TTC8: variants seen among roughly 807,000 people sequenced by gnomAD.
The protein encoded by TTC8 is tetratricopeptide repeat protein 8.
Under a neutral mutation model 72.5 loss-of-function variants are expected in TTC8, and 47 were observed. The ratio of observed to expected loss-of-function variants is 0.65; its 90% CI spans 0.51 to 0.83. The LOEUF (loss-of-function observed/expected upper bound fraction) is 0.83. Among genes scored for constraint, TTC8 ranks in the 40% least tolerant of loss-of-function variants. The pLI, the probability that TTC8 is intolerant of heterozygous loss-of-function variation, is 0.00. For synonymous variants in TTC8, 199 were observed against 221.4 expected, an observed-to-expected ratio of 0.90 and a Z score of 0.90; for missense variants, 611 against 623.2, an observed-to-expected ratio of 0.98 and a Z score of 0.21.
At chr14:88,836,993 G>A (rs557859703) in intron 2 of TTC8, 8 of 245,156 alleles carry the variant, frequency 3.3e-5, no homozygotes, top group East Asian at 1.7e-4. Flanking sequence ...CCCAGGAAGC[G>A]GAGGTTGCAG....
intron 7 of TTC8, among the ~76,000 whole-genome samples, chr14:88,851,713 G>A (rs2140997327): frequency 6.6e-6 from 1 of 151,890 alleles, no homozygotes; most frequent in Middle Eastern, 3.4e-3. Flanking sequence ...CAGGGTGGTG[G>A]GGGAGAAAAA....
chr14:88,875,638 T>C (rs887995285), intron 14 of TTC8, among the ~76,000 whole-genome samples: 6 of 152,116 alleles, frequency 3.9e-5, no homozygotes, highest in African/African-American at 1.4e-4. Context: ...GAAAAAGACA[T>C]CTAATAACTA....
intron 7 of TTC8, among the ~76,000 whole-genome samples, chr14:88,850,733 A>G (rs1462940096): frequency 6.6e-6 from 1 of 152,216 alleles, no homozygotes; most frequent in Non-Finnish European, 1.5e-5. Context: ...CTTTAGTGCC[A>G]GTGAGGACAG....
chr14:88,863,620 T>G (rs971326192), intron 10 of TTC8, among the ~76,000 whole-genome samples: 2 of 152,254 alleles, frequency 1.3e-5, no homozygotes, highest in African/African-American at 4.8e-5. Flanking sequence ...ACGCTTATCA[T>G]CTGGGGAAAT....
At position 88,856,288 on chromosome 14, in the gene TTC8, G is replaced by T. The variant is rs567215390; in HGVS notation, c.711-902G>T. 2.0e-5 allele frequency among the ~76,000 whole-genome samples: 3 copies of T among 152,104 alleles called. No homozygotes were observed. In the South Asian group the frequency reaches 6.2e-4, roughly 32 times the overall value. ...TCCCAAGGCCTCCAATAGCTATTTG[G>T]GCATCAGCCACACCAATGCTTAAGG... On this transcript the variant is annotated intron_variant, in intron 8 of 14. Transcript: ENST00000380656.
intron 8 of TTC8, among the ~76,000 whole-genome samples, chr14:88,855,041 T>C (rs76608124): frequency 6.6e-6 from 1 of 152,322 alleles, no homozygotes; most frequent in East Asian, 1.9e-4. Context: ...TTCCCTAACA[T>C]GCTGTTTACT....
At chr14:88,833,879 A>G (rs2094737870) in intron 2 of TTC8, 157 bp downstream of exon 2, 1 of 685,122 alleles carries the variant, frequency 1.5e-6, no homozygotes, top group South Asian at 1.6e-5. Context: ...ATGTAAATAA[A>G]TGATTATATT....
chr14:88,853,233 A>G (rs1351264576), intron 8 of TTC8, among the ~76,000 whole-genome samples, 177 bp downstream of exon 8: 2 of 152,224 alleles, frequency 1.3e-5, no homozygotes, highest in African/African-American at 4.8e-5. Context: ...TAATACCTTT[A>G]GAATAATAAA....
At chr14:88,878,983 G>A (rs1324944019), downstream of TTC8, 1 of 152,110 alleles carries the variant, frequency 6.6e-6, no homozygotes, top group African/African-American at 2.4e-5. Context: ...TTAATCACTA[G>A]GTCAAATCAC....
chr14:88,851,163 T>TA (rs1199396462), intron 7 of TTC8, among the ~76,000 whole-genome samples: 3 of 152,132 alleles, frequency 2.0e-5, no homozygotes, highest in Non-Finnish European at 4.4e-5. Context: ...CAGCTTAGTT[T>TA]AAAAAAACTG....
At chr14:88,847,313 G>A (rs530733466) in intron 7 of TTC8, among the ~76,000 whole-genome samples, 4 of 152,202 alleles carry the variant, frequency 2.6e-5, no homozygotes, top group African/African-American at 9.6e-5. Flanking sequence ...GCTCCCTATA[G>A]CAAACAAAAC....
At chr14:88,853,168 C>T (rs1005125342) in intron 8 of TTC8, 112 bp downstream of exon 8, 1 of 741,072 alleles carries the variant, frequency 1.3e-6, no homozygotes, top group Non-Finnish European at 2.4e-6. Flanking sequence ...AGAACTGTGT[C>T]TTTGACTTAC....
intron 1 of TTC8, among the ~76,000 whole-genome samples, chr14:88,832,581 T>C (rs1177943697): frequency 6.6e-6 from 1 of 152,204 alleles, no homozygotes; most frequent in Non-Finnish European, 1.5e-5. Flanking sequence ...TGAATTTGTT[T>C]CCTTATCTGT....
chr14:88,850,562 A>T (rs1436375605), intron 7 of TTC8, among the ~76,000 whole-genome samples: 1 of 152,148 alleles, frequency 6.6e-6, no homozygotes, highest in Admixed American at 6.5e-5. Context: ...GCAGGGTGGC[A>T]CATACCTGTA....
At chr14:88,864,498 A>G (rs1011499094) in intron 10 of TTC8, among the ~76,000 whole-genome samples, 1 of 152,142 alleles carries the variant, frequency 6.6e-6, no homozygotes, top group African/African-American at 2.4e-5. Flanking sequence ...TCTTTATTGC[A>G]TGGTTGCTGG....
At chr14:88,861,393 G>C in intron 10 of TTC8, 61 bp downstream of exon 10, 1 of 1,279,372 alleles carries the variant, frequency 7.8e-7, no homozygotes, top group Non-Finnish European at 1.1e-6. Context: ...TATTTTTGTG[G>C]TACATGTGAT....
intron 7 of TTC8, among the ~76,000 whole-genome samples, chr14:88,846,082 G>A (rs1481612626): frequency 1.3e-5 from 2 of 152,118 alleles, no homozygotes. Flanking sequence ...TGAGGCAGGT[G>A]TATCACTGGA....
intron 1 of TTC8, chr14:88,830,932 T>C (rs1240053642): frequency 2.2e-6 from 1 of 456,056 alleles, no homozygotes; most frequent in Non-Finnish European, 4.4e-6. Context: ...CTCCACATCC[T>C]ACGGTAGTCT....
chr14:88,831,228 G>C (rs2094724602), intron 1 of TTC8, among the ~76,000 whole-genome samples: 1 of 152,200 alleles, frequency 6.6e-6, no homozygotes, highest in Non-Finnish European at 1.5e-5. Context: ...CAATGACCCA[G>C]AAGTTACCAC....
Sources: gnomAD v4.1 joint callset for allele counts (sites outside exome capture counted in the v4.1 genomes callset) on GRCh38, gnomAD v4.1.1 for gene constraint, MANE v1.5 for transcripts, NCBI Gene and HGNC (gene_info 2026-07-23, HGNC 2026-07-21) for gene names.